NAALADL2: variants seen among roughly 807,000 people sequenced by gnomAD.
The protein encoded by NAALADL2 is N-acetylated alpha-linked acidic dipeptidase like 2.
Under a neutral mutation model 87.2 loss-of-function variants are expected in NAALADL2, and 76 were observed. The observed-to-expected ratio is 0.87, with a 90% CI of 0.72 to 1.05. The LOEUF is 1.05. NAALADL2 is among the 50% of genes least tolerant of loss of function. NAALADL2 has a pLI of 0.00. For missense variants in NAALADL2, 1,089 were observed against 945.8 expected (o/e 1.15, Z -1.99); for synonymous variants, 354 against 331.0 (o/e 1.07, Z -0.75).
chr3:174,981,552 A>G (rs1235664042), intron 1 of NAALADL2, among the ~76,000 whole-genome samples: 1 of 152,194 alleles, frequency 6.6e-6, no homozygotes, highest in Non-Finnish European at 1.5e-5. Flanking sequence ...AAGTGTTCAT[A>G]TAGAGTTTAA....
At chr3:175,263,225 A>G (rs554358128) in intron 4 of NAALADL2, among the ~76,000 whole-genome samples, 1 of 151,986 alleles carries the variant, frequency 6.6e-6, no homozygotes, top group Non-Finnish European at 1.5e-5. Context: ...AAATATTACT[A>G]TATCTACAAA....
chr3:175,561,160 G>T (rs564106078), intron 9 of NAALADL2, among the ~76,000 whole-genome samples: 15 of 152,194 alleles, frequency 9.9e-5, no homozygotes, highest in Admixed American at 7.2e-4. Context: ...TTGGAGCATT[G>T]GTTCTAAGAC....
At chr3:175,312,431 G>T (rs958560168) in intron 4 of NAALADL2, among the ~76,000 whole-genome samples, 1 of 150,264 alleles carries the variant, frequency 6.7e-6, no homozygotes, top group African/African-American at 2.5e-5. Context: ...ACAGGGCTTT[G>T]CAAAAATCCA....
intron 1 of NAALADL2, among the ~76,000 whole-genome samples, chr3:175,047,499 G>A (rs1041419593): frequency 2.0e-5 from 3 of 152,072 alleles, no homozygotes; most frequent in African/African-American, 2.4e-5. Context: ...TTCTGATATT[G>A]AGAAATCACT....
At chr3:174,945,963 T>C (rs113852725) in intron 1 of NAALADL2, among the ~76,000 whole-genome samples, 1 of 146,606 alleles carries the variant, frequency 6.8e-6, no homozygotes, top group South Asian at 2.2e-4. Flanking sequence ...GGAGAATCAC[T>C]TGAACCCAGG....
At chr3:175,743,233 T>C (rs938602004) in intron 12 of NAALADL2, among the ~76,000 whole-genome samples, 2 of 151,832 alleles carry the variant, frequency 1.3e-5, no homozygotes, top group Non-Finnish European at 2.9e-5. Context: ...ACTCCTGACC[T>C]TAGGTGATCT....
chr3:175,493,397 T>C (rs1728372141), intron 9 of NAALADL2, among the ~76,000 whole-genome samples: 1 of 152,102 alleles, frequency 6.6e-6, no homozygotes, highest in African/African-American at 2.4e-5. Flanking sequence ...TCCAATGCTA[T>C]AAAAATGTGC....
chr3:174,874,338 C>T (rs1170037642), intron 1 of NAALADL2, among the ~76,000 whole-genome samples: 1 of 152,204 alleles, frequency 6.6e-6, no homozygotes, highest in African/African-American at 2.4e-5. Context: ...TGACTACAGT[C>T]TCCCCTACTG....
chr3:175,240,115 G>A (rs1425122994), intron 3 of NAALADL2, among the ~76,000 whole-genome samples: 2 of 152,106 alleles, frequency 1.3e-5, no homozygotes, highest in African/African-American at 2.4e-5. Context: ...GCCTAGGCCA[G>A]TATGAATAAA....
chr3:175,630,939 GAAGT>G (rs1727672941), intron 11 of NAALADL2, among the ~76,000 whole-genome samples: 1 of 151,514 alleles, frequency 6.6e-6, no homozygotes, highest in African/African-American at 2.4e-5. Flanking sequence ...CAAGAAACTA[GAAGT>G]AATTGAAATT....
intron 13 of NAALADL2, 81 bp from the exon 14 acceptor site, chr3:175,802,922 ACT>A (rs778488367): frequency 6.1e-6 from 5 of 823,106 alleles, no homozygotes; most frequent in Non-Finnish European, 9.7e-6. Flanking sequence ...AACATCACTG[ACT>A]CTTAGAAATA....
chr3:175,452,273 C>T (rs1210472456), intron 6 of NAALADL2, among the ~76,000 whole-genome samples: 1 of 152,060 alleles, frequency 6.6e-6, no homozygotes, highest in African/African-American at 2.4e-5. Context: ...CTCCCTCTAT[C>T]CACCTACCTA....
intron 1 of NAALADL2, among the ~76,000 whole-genome samples, chr3:174,870,105 G>A (rs1029262984): frequency 2.0e-5 from 3 of 151,630 alleles, no homozygotes; most frequent in Non-Finnish European, 4.4e-5. Context: ...GTGTGTGTAA[G>A]CGTGTGTGCG....
At chr3:174,615,031 AC>A in intron 2 of NAALADL2, among the ~76,000 whole-genome samples, 1 of 152,266 alleles carries the variant, frequency 6.6e-6, no homozygotes, top group Non-Finnish European at 1.5e-5. Context: ...CAGTGCATTT[AC>A]CTCACATAGG....
intron 4 of NAALADL2, among the ~76,000 whole-genome samples, chr3:175,300,398 A>G (rs188876988): frequency 0.013 from 2,023 of 152,282 alleles, 48 homozygotes; most frequent in African/African-American, 0.046. Context: ...GGTAGAATTC[A>G]GCTGTGAATC....
chr3:175,055,762 T>C (rs563874718), intron 1 of NAALADL2, among the ~76,000 whole-genome samples: 6 of 152,326 alleles, frequency 3.9e-5, no homozygotes, highest in South Asian at 2.1e-4. Context: ...CATTCTTTTT[T>C]AGTACGACCA....
chr3:174,896,262 G>T (rs533348016), intron 1 of NAALADL2, among the ~76,000 whole-genome samples: 44 of 152,152 alleles, frequency 2.9e-4, no homozygotes, highest in South Asian at 1.9e-3. Context: ...CTGATGCTAT[G>T]ATCTTATATT....
At chr3:175,366,216 C>T (rs1424230395) in intron 5 of NAALADL2, among the ~76,000 whole-genome samples, 3 of 148,084 alleles carry the variant, frequency 2.0e-5, no homozygotes, top group Non-Finnish European at 4.5e-5. Flanking sequence ...GCATAGTATT[C>T]CATGGTGTAT....
chr3:174,869,722 G>C (rs914036727), intron 1 of NAALADL2, among the ~76,000 whole-genome samples: 2 of 152,080 alleles, frequency 1.3e-5, no homozygotes, highest in African/African-American at 4.8e-5. Flanking sequence ...GTGAATGTGG[G>C]AAAGCACTAG....
Sources: gnomAD v4.1 joint callset for allele counts (sites outside exome capture counted in the v4.1 genomes callset) on GRCh38, gnomAD v4.1.1 for gene constraint, MANE v1.5 for transcripts, NCBI Gene and HGNC (gene_info 2026-07-23, HGNC 2026-07-21) for gene names.